Variants in CHN2 observed in about 807,000 individuals in gnomAD.
CHN2 encodes the protein beta-chimaerin.
A neutral mutation model predicts 56.3 loss-of-function variants in CHN2; 35 were observed. The ratio of observed to expected loss-of-function variants is 0.62; its 90% CI spans 0.47 to 0.82. The LOEUF (loss-of-function observed/expected upper bound fraction) is 0.82, where lower values mean the gene tolerates loss of function less well. CHN2 is among the 40% of genes least tolerant of loss of function. CHN2 has a pLI of 0.00. For missense variants in CHN2, 491 were observed against 580.5 expected (o/e 0.85, Z 1.58); for synonymous variants, 210 against 212.8 (o/e 0.99, Z 0.12).
intron 1 of CHN2, chr7:29,213,354 T>C (rs1343529729): frequency 7.7e-6 from 5 of 646,766 alleles, no homozygotes; most frequent in East Asian, 5.4e-5. Flanking sequence ...TCCAGTCAAT[T>C]TGATGGAGGA....
At chr7:29,444,707 C>T (rs373063880) in intron 6 of CHN2, among the ~76,000 whole-genome samples, 1 of 152,212 alleles carries the variant, frequency 6.6e-6, no homozygotes, top group Non-Finnish European at 1.5e-5. Context: ...GACAAAGAAA[C>T]TAGATTCCAC....
rs1020583554 is a variant in CHN2 at position 29,224,651 on chromosome 7, A to G, written c.49+29661A>G. ...TTTACCAAAGAGATTATTGTGAGGA[A>G]CAATTGAAATGGCCTATAACAGCTA... On this transcript the variant is annotated intron_variant, in intron 1 of 12. Transcript: ENST00000222792. Among the ~76,000 whole-genome samples, 7 of 152,230 alleles carry G rather than the reference A, an allele frequency of 4.6e-5. 1 individual carries two copies. Among genetic ancestry groups the G allele is most frequent in the African/African-American group, 1.7e-4 (7 of 41,464 alleles).
At chr7:29,193,326 C>G (rs538504459), upstream of CHN2, 5 of 152,108 alleles carry the variant, frequency 3.3e-5, no homozygotes, top group African/African-American at 1.2e-4. Context: ...ATTTAACATT[C>G]ATTATTCACT....
At chr7:29,441,837 G>A (rs187634455) in intron 6 of CHN2, among the ~76,000 whole-genome samples, 1 of 152,300 alleles carries the variant, frequency 6.6e-6, no homozygotes, top group Admixed American at 6.5e-5. Context: ...TGGTGGAAGT[G>A]TAAATTGGTG....
intron 1 of CHN2, among the ~76,000 whole-genome samples, chr7:29,307,316 TC>T (rs1794247058): frequency 6.6e-6 from 1 of 152,236 alleles, no homozygotes; most frequent in Non-Finnish European, 1.5e-5. Flanking sequence ...ATCTTTCAAA[TC>T]ATCCAGTTTG....
At chr7:29,419,435 G>A (rs1195230905) in intron 6 of CHN2, among the ~76,000 whole-genome samples, 4 of 152,182 alleles carry the variant, frequency 2.6e-5, no homozygotes, top group Middle Eastern at 3.4e-3. Flanking sequence ...GTGATTTCTT[G>A]GATGTGACAC....
intron 1 of CHN2, among the ~76,000 whole-genome samples, chr7:29,347,155 G>A (rs1007643600): frequency 2.0e-4 from 31 of 152,182 alleles, no homozygotes; most frequent in African/African-American, 7.0e-4. Context: ...GTTGGTGAGA[G>A]AGGGTGTGGG....
intron 1 of CHN2, among the ~76,000 whole-genome samples, chr7:29,292,450 G>C (rs7779447): frequency 0.051 from 7,756 of 152,234 alleles, 266 homozygotes; most frequent in African/African-American, 0.089. Flanking sequence ...ATCTTGGAAG[G>C]CTTGAAATAT....
At chr7:29,405,623 ACTTT>A (rs1470262020) in intron 6 of CHN2, among the ~76,000 whole-genome samples, 1 of 152,042 alleles carries the variant, frequency 6.6e-6, no homozygotes, top group Non-Finnish European at 1.5e-5. Flanking sequence ...TTTGGTTTCT[ACTTT>A]CTTCCTGCAA....
intron 7 of CHN2, among the ~76,000 whole-genome samples, chr7:29,483,637 T>C (rs1787605572): frequency 6.6e-6 from 1 of 152,208 alleles, no homozygotes; most frequent in African/African-American, 2.4e-5. Flanking sequence ...TTAGCTCATT[T>C]TATAACTGCA....
intron 1 of CHN2, among the ~76,000 whole-genome samples, chr7:29,307,898 T>G (rs1260714169): frequency 6.6e-6 from 1 of 152,222 alleles, no homozygotes; most frequent in Admixed American, 6.5e-5. Flanking sequence ...TTTTGAATTT[T>G]TGACTTCCAT....
intron 2 of CHN2, among the ~76,000 whole-genome samples, chr7:29,150,485 C>T (rs1200269045): frequency 6.6e-6 from 1 of 152,192 alleles, no homozygotes; most frequent in African/African-American, 2.4e-5. Context: ...CAAAAACATG[C>T]TTCTCACTGA....
chr7:29,477,128 A>G (rs919540306), intron 6 of CHN2, among the ~76,000 whole-genome samples: 2 of 152,156 alleles, frequency 1.3e-5, no homozygotes, highest in African/African-American at 4.8e-5. Flanking sequence ...AGATTACTGT[A>G]ATCAGTTTTC....
At chr7:29,434,975 T>G (rs754508981) in intron 6 of CHN2, among the ~76,000 whole-genome samples, 1 of 151,942 alleles carries the variant, frequency 6.6e-6, no homozygotes, top group Non-Finnish European at 1.5e-5. Flanking sequence ...CACCTGTAGT[T>G]CCAGCTACTC....
At chr7:29,282,913 A>G (rs1791835707) in intron 1 of CHN2, among the ~76,000 whole-genome samples, 1 of 152,248 alleles carries the variant, frequency 6.6e-6, no homozygotes, top group Non-Finnish European at 1.5e-5. Context: ...TTGGAGAAGA[A>G]GAAGAAAATG....
Position 29,445,959 on chromosome 7 carries a change from G to A in CHN2, c.577-34320G>A, listed in dbSNP as rs537549422. On this transcript the variant is annotated intron_variant, in intron 6 of 12. Transcript: ENST00000222792. ...ACTGTGGAGCCGGAAGTGGCTACTC[G>A]TGCAGCTCTCTTGAAAGGCGAACAT... is the stretch of plus-strand genomic sequence containing the variant. 2.0e-4 allele frequency among the ~76,000 whole-genome samples: 30 copies of A among 151,822 alleles called. No homozygotes were observed. The South Asian group carries it at 3.8e-3, about 19-fold the overall frequency.
rs527984690 is a variant in CHN2, at chr7:29,375,145, C to T, written c.144+7158C>T. 2.0e-5 allele frequency among the ~76,000 whole-genome samples: 3 copies of T among 149,904 alleles called. No individual in the cohort carries two copies. In the East Asian group the frequency reaches 5.9e-4, roughly 29 times the overall value. On this transcript the variant is annotated intron_variant, in intron 3 of 12. Transcript: ENST00000222792. ...CCTCAGGTGATCCACCCGCCTCAGC[C>T]TCCCAAAATGCTGGGATTACAAGCA...
chr7:29,212,843 C>T (rs1464604167), intron 1 of CHN2: 1 of 1,608,678 alleles, frequency 6.2e-7, no homozygotes, highest in African/African-American at 1.3e-5. Flanking sequence ...CTCTTCCTAC[C>T]ACCAGGGATG....
chr7:29,427,608 A>C (rs1484437274), intron 6 of CHN2, among the ~76,000 whole-genome samples: 1 of 149,126 alleles, frequency 6.7e-6, no homozygotes, highest in Non-Finnish European at 1.5e-5. Flanking sequence ...TGCTACTCAT[A>C]TATCTGTTGA....
Sources: gnomAD v4.1 joint callset for allele counts (sites outside exome capture counted in the v4.1 genomes callset) on GRCh38, gnomAD v4.1.1 for gene constraint, MANE v1.5 for transcripts, NCBI Gene and HGNC (gene_info 2026-07-23, HGNC 2026-07-21) for gene names.